Variants in RAPGEF1 observed in about 807,000 individuals in gnomAD.
RAPGEF1 encodes the protein Rap guanine nucleotide exchange factor 1.
Under a neutral mutation model 143.3 loss-of-function variants are expected in RAPGEF1, and 33 were observed. The observed-to-expected ratio is 0.23, with a 90% CI of 0.17 to 0.31. RAPGEF1 has a LOEUF of 0.31. RAPGEF1 is among the 10% of genes least tolerant of loss of function. RAPGEF1 has a pLI of 1.00. For missense variants in RAPGEF1, 1,199 were observed against 1,645.4 expected, an observed-to-expected ratio of 0.73 and a Z score of 4.69; for synonymous variants, 629 against 676.5, an observed-to-expected ratio of 0.93 and a Z score of 1.09.
rs992610151 is a variant in RAPGEF1, at chr9:131,675,975, C to T, written c.62-25026G>A. Among the ~76,000 whole-genome samples, 2 of 151,662 alleles carry T rather than the reference C, an allele frequency of 1.3e-5. No homozygotes were observed. Among genetic ancestry groups the T allele is most frequent in the Admixed American group, 1.3e-4 (2 of 15,238 alleles). ...GGAGTGTAGTGGCATGGTCGTAGCT[C>T]ACTACAGCCTTGAACTCCTGGGCTC... On this transcript the variant is annotated intron_variant, in intron 1 of 26. Transcript: ENST00000683357. The surrounding 1 kb of genome is among the most constrained non-coding windows in gnomAD (Gnocchi z 4.6).
Position 131,579,485 on chromosome 9 carries a change from C to CG in RAPGEF1, c.*11dup. ...GCCCCTCGAGCATTCTCCTGGATCC[C>CG]GGCGTCTGCTCCTAGGTCTTCTCTT... On this transcript the variant is annotated 3_prime_UTR_variant, in exon 27 of 27. Coordinates refer to ENST00000683357, the MANE Select transcript of RAPGEF1 (RefSeq NM_001377935.1). The CG allele has an allele frequency of 6.2e-7, 1 of 1,613,014 alleles. No homozygotes were observed. Among genetic ancestry groups the CG allele is most frequent in the Non-Finnish European group, 8.5e-7 (1 of 1,179,348 alleles).
At position 131,585,531 on chromosome 9, in the gene RAPGEF1, G is replaced by C. The variant is rs190223961; in HGVS notation, c.3234-935C>G. Among the ~76,000 whole-genome samples the C allele has an allele frequency of 2.9e-3, 447 of 152,366 alleles. 4 individuals are homozygous for C. Among genetic ancestry groups the C allele is most frequent in the African/African-American group, 0.01 (428 of 41,588 alleles). On this transcript the variant is annotated intron_variant, in intron 22 of 26. Transcript: ENST00000683357. The stretch of plus-strand genomic sequence containing the variant: ...TGTGCCCCTGAGCTTCTTGCACCCA[G>C]CCAGAGGCTGGTGTCAGAAGCCAGG...
chr9:131,685,634 T>TG (rs1833280371), intron 1 of RAPGEF1, among the ~76,000 whole-genome samples: 1 of 152,200 alleles, frequency 6.6e-6, no homozygotes, highest in African/African-American at 2.4e-5. Flanking sequence ...ACGGAAACAA[T>TG]GCTAATGACT....
At chr9:131,608,170 C>T (rs775081450) in intron 12 of RAPGEF1, among the ~76,000 whole-genome samples, 3 of 152,180 alleles carry the variant, frequency 2.0e-5, no homozygotes, top group South Asian at 2.1e-4. Context: ...AAGGTTTCTG[C>T]GACGTTCCGC....
chr9:131,739,259 T>C (rs1162109854), intron 1 of RAPGEF1, among the ~76,000 whole-genome samples: 1 of 152,182 alleles, frequency 6.6e-6, no homozygotes, highest in African/African-American at 2.4e-5. Context: ...GAGGGGAAAC[T>C]TGACTACCTC....
chr9:131,603,496 C>T (rs148051542), intron 14 of RAPGEF1, among the ~76,000 whole-genome samples: 2 of 152,262 alleles, frequency 1.3e-5, no homozygotes, highest in Non-Finnish European at 2.9e-5. Flanking sequence ...CAGACTCACC[C>T]GCTTCCTCAG....
intron 22 of RAPGEF1, among the ~76,000 whole-genome samples, chr9:131,586,243 A>G (rs1386374480): frequency 1.0e-3 from 105 of 100,852 alleles, no homozygotes; most frequent in South Asian, 4.7e-3. Flanking sequence ...CCTGCAGAGC[A>G]AGACTCTGTC....
chr9:131,736,020 C>T (rs949618723), intron 1 of RAPGEF1, among the ~76,000 whole-genome samples: 5 of 152,174 alleles, frequency 3.3e-5, no homozygotes, highest in South Asian at 2.1e-4. Flanking sequence ...CAACTCTCCT[C>T]GCTCAATGTC....
At chr9:131,598,440 G>A (rs777921348) in intron 15 of RAPGEF1, 130 bp from the exon 16 acceptor site, 9 of 745,810 alleles carry the variant, frequency 1.2e-5, no homozygotes, top group East Asian at 2.7e-5. Context: ...TGGCAGCTAC[G>A]TCACTATGGA....
In RAPGEF1 at chr9:131,626,261, G is replaced by A; in HGVS notation, c.1363C>T (p.Pro455Ser). 1 of 1,613,982 alleles carries A rather than the reference G, an allele frequency of 6.2e-7. No individual in the cohort carries two copies. The highest frequency in any genetic ancestry group is 8.5e-7 in the Non-Finnish European group (1 of 1,179,856). Residue 455 changes from proline (P) to serine (S), a missense_variant, in exon 10 of 27, where the codon CCC (proline) becomes TCC (serine). Coordinates refer to ENST00000683357, the MANE Select transcript of RAPGEF1 (RefSeq NM_001377935.1). The part of the protein sequence containing the change: ...PPFQLPLGGH[P>S]QPDGPLAPGQ... ...GGGGCCAGAGGTCCGTCTGGCTGGG[G>A]ATGGCCGCCAAGAGGCAGCTGGAAA...
intron 15 of RAPGEF1, among the ~76,000 whole-genome samples, chr9:131,599,690 G>C (rs993957211): frequency 2.1e-4 from 32 of 152,126 alleles, no homozygotes; most frequent in Admixed American, 1.9e-3. Flanking sequence ...AGGGTGTTCT[G>C]GGGAGAGTGG....
intron 15 of RAPGEF1, among the ~76,000 whole-genome samples, chr9:131,600,167 T>G (rs974732225): frequency 6.6e-6 from 1 of 151,674 alleles, no homozygotes; most frequent in African/African-American, 2.4e-5. Context: ...TGGGTCAGAG[T>G]GGGCCCTGCC....
chr9:131,629,664 A>C (rs956091478), intron 6 of RAPGEF1, among the ~76,000 whole-genome samples: 1 of 152,004 alleles, frequency 6.6e-6, no homozygotes, highest in Non-Finnish European at 1.5e-5. Context: ...GGTGGCGTGC[A>C]CCTGTAGTCC....
chr9:131,584,987 C>T lies in RAPGEF1; in HGVS notation c.3234-391G>A, dbSNP rs535022386. Among the ~76,000 whole-genome samples the T allele has an allele frequency of 5.9e-5, 9 of 152,174 alleles. No individual in the cohort carries two copies. Among genetic ancestry groups the T allele is most frequent in the Admixed American group, 1.3e-4 (2 of 15,282 alleles). ...ACTGGCTCGGGGAGACCCGCTAGCA[C>T]GTGAGGTAAGAGGTCACCTTGGGCA... On this transcript the variant is annotated intron_variant, in intron 22 of 26. Transcript: ENST00000683357. The surrounding 1 kb of genome is among the most constrained non-coding windows in gnomAD (Gnocchi z 6.8).
intron 5 of RAPGEF1, among the ~76,000 whole-genome samples, chr9:131,632,191 C>T (rs1314302578): frequency 2.0e-5 from 3 of 151,110 alleles, no homozygotes; most frequent in Non-Finnish European, 4.4e-5. Flanking sequence ...TGCAGTGGTG[C>T]GATCTCAGCT....
chr9:131,704,688 C>T (rs1043479302), intron 1 of RAPGEF1, among the ~76,000 whole-genome samples: 1 of 151,840 alleles, frequency 6.6e-6, no homozygotes, highest in African/African-American at 2.4e-5. Flanking sequence ...GCTGTACTCC[C>T]GAGAGCCAAA....
At chr9:131,700,700 C>G (rs1834567928) in intron 1 of RAPGEF1, among the ~76,000 whole-genome samples, 1 of 152,036 alleles carries the variant, frequency 6.6e-6, no homozygotes. Context: ...GTTCTACAAA[C>G]CTTCCACTGT....
At chr9:131,710,351 T>C (rs17553234) in intron 1 of RAPGEF1, among the ~76,000 whole-genome samples, 11,160 of 152,184 alleles carry the variant, frequency 0.073, 590 homozygotes, top group Middle Eastern at 0.14. Context: ...AGCTAAGAAT[T>C]TATAACCCCA....
At chr9:131,677,285 A>AC (rs1340467679) in intron 1 of RAPGEF1, among the ~76,000 whole-genome samples, 1 of 152,224 alleles carries the variant, frequency 6.6e-6, no homozygotes, top group Non-Finnish European at 1.5e-5. Context: ...TCCAAAACTT[A>AC]CTGTACTTTT....
Sources: allele counts gnomAD v4.1 joint callset (sites outside exome capture counted in the v4.1 genomes callset), GRCh38; gene constraint gnomAD v4.1.1; non-coding constraint Gnocchi (gnomAD v3.1); transcripts MANE v1.5; gene names NCBI Gene and HGNC (gene_info 2026-07-23, HGNC 2026-07-21).